Variants in ANKRD12 observed in about 807,000 individuals in gnomAD.
The protein encoded by ANKRD12 is ankyrin repeat domain-containing protein 12.
In ANKRD12, 85 loss-of-function variants were observed where a neutral mutation model predicts 183.4. The ratio of observed to expected loss-of-function variants is 0.46; its 90% confidence interval spans 0.39 to 0.56. The LOEUF (loss-of-function observed/expected upper bound fraction) is 0.56. Among genes scored for constraint, ANKRD12 ranks in the 20% least tolerant of loss-of-function variants. The pLI, the probability that ANKRD12 is intolerant of heterozygous loss-of-function variation, is 0.00. For missense variants in ANKRD12, 2,405 were observed against 2,357.1 expected, an observed-to-expected ratio of 1.02 and a Z score of -0.42; for synonymous variants, 914 against 800.2, an observed-to-expected ratio of 1.14 and a Z score of -2.40.
chr18:9,253,492 T>C (rs773428402), intron 8 of ANKRD12, among the ~76,000 whole-genome samples: 3 of 152,230 alleles, frequency 2.0e-5, no homozygotes, highest in Non-Finnish European at 4.4e-5. Context: ...GTTCCATCCA[T>C]GTTGTGACAA....
At chr18:9,267,007 A>G (rs1460289735) in intron 10 of ANKRD12, among the ~76,000 whole-genome samples, 3 of 152,132 alleles carry the variant, frequency 2.0e-5, no homozygotes, top group Non-Finnish European at 4.4e-5. Context: ...ACAAAGATCA[A>G]AAGAGACAAA....
intron 9 of ANKRD12, chr18:9,260,006 A>G (rs181547459): frequency 3.3e-4 from 51 of 152,328 alleles, no homozygotes; most frequent in African/African-American, 1.2e-3. Context: ...GCTAATAATA[A>G]GAACTCCAGA....
chr18:9,275,016 T>C (rs1290397680), intron 10 of ANKRD12, among the ~76,000 whole-genome samples: 2 of 151,168 alleles, frequency 1.3e-5, no homozygotes, highest in East Asian at 3.9e-4. Context: ...GACCCCTGTT[T>C]CTACAAAAAA....
At chr18:9,168,310 G>C (rs576547986) in intron 1 of ANKRD12, among the ~76,000 whole-genome samples, 1 of 151,436 alleles carries the variant, frequency 6.6e-6, no homozygotes, top group East Asian at 1.9e-4. Context: ...GCTCCTCCTT[G>C]TACCTCTGGT....
intron 1 of ANKRD12, among the ~76,000 whole-genome samples, chr18:9,162,859 G>A (rs1373420573): frequency 6.6e-6 from 1 of 151,916 alleles, no homozygotes. Context: ...AAAAGTGTCT[G>A]TTCATGTTCT....
chr18:9,215,783 A>G (rs1485014490), intron 6 of ANKRD12, among the ~76,000 whole-genome samples: 2 of 152,172 alleles, frequency 1.3e-5, no homozygotes, highest in Non-Finnish European at 2.9e-5. Context: ...AGTCAAGGAA[A>G]TCATGAAAGA....
chr18:9,175,987 A>G (rs2033234003), intron 1 of ANKRD12, among the ~76,000 whole-genome samples: 1 of 152,222 alleles, frequency 6.6e-6, no homozygotes, highest in Admixed American at 6.5e-5. Context: ...TTATTGTACT[A>G]AGAAGTCTGT....
At chr18:9,167,394 G>A (rs1174584062) in intron 1 of ANKRD12, among the ~76,000 whole-genome samples, 1 of 152,028 alleles carries the variant, frequency 6.6e-6, no homozygotes. Flanking sequence ...TTATTTCATT[G>A]AGCAGTGGTT....
intron 11 of ANKRD12, among the ~76,000 whole-genome samples, chr18:9,277,321 CTTTTTTTT>C (rs773999861): frequency 5.9e-5 from 5 of 84,650 alleles, no homozygotes; most frequent in Non-Finnish European, 9.1e-5. Context: ...CACCCTGTTT[CTTTTTTTT>C]TTTTTTTTTT....
intron 6 of ANKRD12, among the ~76,000 whole-genome samples, chr18:9,216,378 T>G (rs1294564685): frequency 6.6e-6 from 1 of 152,226 alleles, no homozygotes; most frequent in Admixed American, 6.5e-5. Flanking sequence ...TCTCTAGCTT[T>G]ATTGTAAGAG....
chr18:9,174,473 C>G (rs2033064300), intron 1 of ANKRD12, among the ~76,000 whole-genome samples: 1 of 152,192 alleles, frequency 6.6e-6, no homozygotes, highest in African/African-American at 2.4e-5. Flanking sequence ...GTATGTTGGA[C>G]CTAAGTAAGG....
intron 11 of ANKRD12, 108 bp downstream of exon 11, chr18:9,275,775 G>C (rs2039802492): frequency 8.7e-7 from 1 of 1,144,418 alleles, no homozygotes; most frequent in Non-Finnish European, 1.2e-6. Flanking sequence ...AATCATTAAA[G>C]GTCAAAGAAG....
chr18:9,257,131 A>G lies in ANKRD12; in HGVS notation c.3864A>G (p.Ser1288=). The G allele has an allele frequency of 1.9e-6, 3 of 1,614,192 alleles. No individual in the cohort carries two copies. Among genetic ancestry groups the G allele is most frequent in the Non-Finnish European group, 2.5e-6 (3 of 1,180,006 alleles). Residue 1288 remains serine, a synonymous_variant, in exon 9 of 13, where the codon TCA becomes TCG. Transcript: ENST00000262126. The part of the protein sequence containing the change: ...ANRLSTSHLR[S]SSVEDVKLII... ...GACTTTCAACATCCCATCTTAGGTCATCTTCTGTAGAAGATGTTAAACTAA... is the reference window on the plus strand; with the variant it reads ...GACTTTCAACATCCCATCTTAGGTCGTCTTCTGTAGAAGATGTTAAACTAA...
intron 8 of ANKRD12, among the ~76,000 whole-genome samples, chr18:9,248,954 G>A (rs748736698): frequency 2.0e-5 from 3 of 152,148 alleles, no homozygotes; most frequent in Non-Finnish European, 4.4e-5. Flanking sequence ...AAATTATATA[G>A]TGAATATATT....
At chr18:9,181,831 A>C (rs1442233562) in intron 1 of ANKRD12, among the ~76,000 whole-genome samples, 2 of 152,248 alleles carry the variant, frequency 1.3e-5, no homozygotes, top group African/African-American at 4.8e-5. Context: ...TGGAAATAAA[A>C]TAATGTATAC....
At chr18:9,186,358 C>G (rs2034062695) in intron 2 of ANKRD12, among the ~76,000 whole-genome samples, 1 of 152,148 alleles carries the variant, frequency 6.6e-6, no homozygotes, top group African/African-American at 2.4e-5. Context: ...CAAACTATTA[C>G]ATTCCTCTAG....
At chr18:9,253,645 G>A (rs181165645) in intron 8 of ANKRD12, among the ~76,000 whole-genome samples, 12 of 152,254 alleles carry the variant, frequency 7.9e-5, no homozygotes, top group Admixed American at 7.8e-4. Context: ...AGTAAACATG[G>A]GAGTGCAGGT....
chr18:9,203,512 A>G (rs879452083), intron 3 of ANKRD12, among the ~76,000 whole-genome samples: 2 of 152,162 alleles, frequency 1.3e-5, no homozygotes, highest in African/African-American at 2.4e-5. Context: ...CTCTGGCCAT[A>G]TTGCCAAAGT....
At chr18:9,224,325 CAGAG>C (rs919014994) in intron 8 of ANKRD12, among the ~76,000 whole-genome samples, 1 of 151,792 alleles carries the variant, frequency 6.6e-6, no homozygotes, top group East Asian at 1.9e-4. Flanking sequence ...GATTGGAAGA[CAGAG>C]AGAGGGGTAG....
Sources: gnomAD v4.1 joint callset for allele counts (sites outside exome capture counted in the v4.1 genomes callset) on GRCh38, gnomAD v4.1.1 for gene constraint, MANE v1.5 for transcripts, NCBI Gene and HGNC (gene_info 2026-07-23, HGNC 2026-07-21) for gene names.